Variants in CACNA1I observed in about 807,000 individuals in gnomAD.
The protein encoded by CACNA1I is calcium voltage-gated channel subunit alpha1 I.
In CACNA1I, 74 loss-of-function variants were observed where a neutral mutation model predicts 201.6. That is an observed-to-expected ratio of 0.37 (90% CI 0.30 to 0.45). The LOEUF (loss-of-function observed/expected upper bound fraction) is 0.45, where lower values mean the gene tolerates loss of function less well. Among genes scored for constraint, CACNA1I ranks in the 20% least tolerant of loss-of-function variants. The probability of loss-of-function intolerance (pLI) is 1.00; values close to 1 mark genes in which losing one functional copy is unlikely to be tolerated. For missense variants in CACNA1I, 2,346 were observed against 3,138.1 expected, an observed-to-expected ratio of 0.75 and a Z score of 6.03; for synonymous variants, 1,431 against 1,345.2, an observed-to-expected ratio of 1.06 and a Z score of -1.40.
rs74507538 is a variant in CACNA1I at position 39,681,083 on chromosome 22, G to A, written c.5664+31G>A. ...CTCCCCTGGGGACTCCTGAGCAGGC[G>A]GGTCTGTCCTTGAAACCTGGCCCCT... On this transcript the variant is annotated intron_variant, in intron 34 of 36. Coordinates refer to ENST00000402142, the MANE Select transcript of CACNA1I (RefSeq NM_021096.4). The A allele has an allele frequency of 0.031, 49,790 of 1,588,438 alleles. 940 individuals are homozygous for A. Among genetic ancestry groups the A allele is most frequent in the Non-Finnish European group, 0.038 (44,617 of 1,169,214 alleles).
chr22:39,684,242 CA>C lies in CACNA1I; in HGVS notation c.5831-59del. Reference sequence around the variant, plus strand: ...GAGATTGGTGCTCAATGCCACCTTCCAGGGGCTGCCCCCTGGCCTGAGCGTG... The same window carrying C: ...GAGATTGGTGCTCAATGCCACCTTCCGGGGCTGCCCCCTGGCCTGAGCGTG... On this transcript the variant is annotated intron_variant, in intron 35 of 36. Coordinates refer to ENST00000402142, the MANE Select transcript of CACNA1I (RefSeq NM_021096.4). This position sits in a 1 kb window ranked among gnomAD's most constrained non-coding sequence, Gnocchi z 4.6. The C allele has an allele frequency of 6.7e-7, 1 of 1,503,516 alleles. No individual in the cohort carries two copies. The allele number at this position is 1,503,516 out of a possible 1,614,324, so 93.1% of individuals were successfully genotyped here.
chr22:39,588,400 T>A (rs1345962983), intron 1 of CACNA1I, among the ~76,000 whole-genome samples: 1 of 144,812 alleles, frequency 6.9e-6, no homozygotes, highest in South Asian at 2.2e-4. Context: ...TTTTTTTTTT[T>A]TTTGAGGCAG....
chr22:39,634,748 T>G (rs1036592639), intron 5 of CACNA1I, 24 bp downstream of exon 5: 1 of 1,607,456 alleles, frequency 6.2e-7, no homozygotes, highest in Non-Finnish European at 8.5e-7. Context: ...CTGCCACCCA[T>G]GCAGCTCCGG....
rs72041195 is a variant in CACNA1I, at chr22:39,686,627, C to CATATATATATATATATATATATATAT, written c.*223_*248dup. On this transcript the variant is annotated 3_prime_UTR_variant, in exon 37 of 37. Coordinates refer to ENST00000402142, the MANE Select transcript of CACNA1I (RefSeq NM_021096.4). The stretch of plus-strand genomic sequence containing the variant: ...ATACATACATATATATATATATATG[C>CATATATATATATATATATATATATAT]ATATATATATATATATATATATATA... 5.4e-4 allele frequency: 68 copies of CATATATATATATATATATATATATAT among 127,032 alleles called. No individual in the cohort carries two copies. The highest frequency in any genetic ancestry group is 1.3e-3 in the Admixed American group (16 of 12,134). The allele number at this position is 127,032 out of a possible 1,614,324, so 7.9% of individuals were successfully genotyped here. A position where few individuals can be genotyped will look rare whatever the true frequency, so the allele number is the denominator to read the frequency against.
intron 3 of CACNA1I, among the ~76,000 whole-genome samples, chr22:39,617,378 G>A (rs974402062): frequency 6.6e-6 from 1 of 152,198 alleles, no homozygotes; most frequent in African/African-American, 2.4e-5. Context: ...CTGAGCCTGA[G>A]GGGGTTCCCA....
At chr22:39,603,913 G>T (rs1933136650) in intron 3 of CACNA1I, among the ~76,000 whole-genome samples, 1 of 152,118 alleles carries the variant, frequency 6.6e-6, no homozygotes, top group Non-Finnish European at 1.5e-5. Context: ...ATACATCTCT[G>T]CCAGATAAAA....
chr22:39,600,435 C>G, intron 2 of CACNA1I, 85 bp from the exon 3 acceptor site: 3 of 1,150,550 alleles, frequency 2.6e-6, no homozygotes, highest in Non-Finnish European at 3.8e-6. Flanking sequence ...CATGTGGTGT[C>G]CCCACCTCAC....
Position 39,664,797 on chromosome 22 carries a change from T to A in CACNA1I, c.3725T>A (p.Val1242Glu). 6.2e-7 allele frequency: 1 copy of A among 1,609,484 alleles called. No individual in the cohort carries two copies. Among genetic ancestry groups the A allele is most frequent in the East Asian group, 2.2e-5 (1 of 44,554 alleles). Reference protein sequence around the residue: ...EQAYLRSSWNVLDGFLVFVSI... With the variant: ...EQAYLRSSWNELDGFLVFVSI... ...GCGTACCTACGCAGCAGCTGGAACGTGCTGGATGGCTTTCTTGTCTTCGTG... is the reference window on the plus strand; with the variant it reads ...GCGTACCTACGCAGCAGCTGGAACGAGCTGGATGGCTTTCTTGTCTTCGTG... The change falls in exon 21 of 37, where the codon GTG becomes GAG. Residue 1242 changes from valine to glutamate, a missense_variant. Physicochemically the swap from Val to Glu is moderately radical, Grantham distance 121. Coordinates refer to ENST00000402142, the MANE Select transcript of CACNA1I (RefSeq NM_021096.4).
chr22:39,587,180 G>C (rs1932763761), intron 1 of CACNA1I, among the ~76,000 whole-genome samples: 1 of 152,180 alleles, frequency 6.6e-6, no homozygotes, highest in Non-Finnish European at 1.5e-5. Flanking sequence ...AGGTATTTGG[G>C]AATCAGAGAC....
chr22:39,654,818 C>T (rs1448241931), intron 10 of CACNA1I, among the ~76,000 whole-genome samples: 1 of 152,048 alleles, frequency 6.6e-6, no homozygotes, highest in Non-Finnish European at 1.5e-5. Flanking sequence ...CCTGAGTCCT[C>T]AAGAAGGATG....
In CACNA1I at chr22:39,686,417, G is replaced by GC; in HGVS notation, c.*17dup. 1 of 1,228,118 alleles carries GC rather than the reference G, an allele frequency of 8.1e-7. No individual in the cohort carries two copies. The allele number at this position is 1,228,118 out of a possible 1,614,324, so 76.1% of individuals were successfully genotyped here. On this transcript the variant is annotated 3_prime_UTR_variant, in exon 37 of 37. Coordinates refer to ENST00000402142, the MANE Select transcript of CACNA1I (RefSeq NM_021096.4). ...AGAGGAAGAGATGAGGGTCGCAGGGGCCCCCGGCCGCCCACCGCCCGCCCC... is the reference window on the plus strand; with the variant it reads ...AGAGGAAGAGATGAGGGTCGCAGGGGCCCCCCGGCCGCCCACCGCCCGCCCC...
intron 1 of CACNA1I, among the ~76,000 whole-genome samples, chr22:39,580,757 T>C (rs1408056479): frequency 6.6e-6 from 1 of 152,096 alleles, no homozygotes; most frequent in Non-Finnish European, 1.5e-5. Context: ...AATTCACTTA[T>C]TAGAATGGTG....
intron 4 of CACNA1I, among the ~76,000 whole-genome samples, chr22:39,620,656 C>T (rs1933718602): frequency 1.3e-5 from 2 of 152,206 alleles, no homozygotes; most frequent in African/African-American, 2.4e-5. Context: ...TGACTCCTCA[C>T]TGCTCTCTTC....
chr22:39,664,678 G>GGC, intron 20 of CACNA1I, 61 bp from the exon 21 acceptor site: 8 of 712,226 alleles, frequency 1.1e-5, no homozygotes, highest in South Asian at 6.5e-5. Context: ...AGCCCGGTTG[G>GGC]CCCCGCCCAC....
intron 3 of CACNA1I, among the ~76,000 whole-genome samples, chr22:39,617,593 C>T (rs1032786032): frequency 1.3e-5 from 2 of 152,120 alleles, no homozygotes; most frequent in South Asian, 4.1e-4. Context: ...GTGCCACCCC[C>T]GCAGCCCCTC....
At chr22:39,614,924 T>A (rs1398086306) in intron 3 of CACNA1I, among the ~76,000 whole-genome samples, 1 of 152,238 alleles carries the variant, frequency 6.6e-6, no homozygotes, top group Admixed American at 6.5e-5. Flanking sequence ...GCTTAGGAGC[T>A]GGCAGGAGGT....
intron 3 of CACNA1I, among the ~76,000 whole-genome samples, chr22:39,608,259 C>T (rs1346946064): frequency 6.6e-6 from 1 of 151,920 alleles, no homozygotes; most frequent in Non-Finnish European, 1.5e-5. Flanking sequence ...GCCAAGATTG[C>T]ACTCCTACAC....
chr22:39,606,424 C>T (rs1266309656), intron 3 of CACNA1I, among the ~76,000 whole-genome samples: 4 of 152,254 alleles, frequency 2.6e-5, no homozygotes, highest in African/African-American at 2.4e-5. Context: ...ACTTCCTGCA[C>T]TCGCACAGCT....
At chr22:39,638,685 T>C in intron 5 of CACNA1I, among the ~76,000 whole-genome samples, 1 of 152,234 alleles carries the variant, frequency 6.6e-6, no homozygotes, top group East Asian at 1.9e-4. Context: ...TAGTGGGTTA[T>C]TTTTCCTTTT....
Sources: gnomAD v4.1 joint callset for allele counts (sites outside exome capture counted in the v4.1 genomes callset) on GRCh38, gnomAD v4.1.1 for gene constraint, Gnocchi (gnomAD v3.1) non-coding constraint, MANE v1.5 for transcripts, NCBI Gene and HGNC (gene_info 2026-07-23, HGNC 2026-07-21) for gene names.